Variants in RASAL2 observed in about 807,000 individuals in gnomAD.
RASAL2 encodes the protein ras GTPase-activating protein nGAP.
In RASAL2, 58 loss-of-function variants were observed where a neutral mutation model predicts 128.9. That is an observed-to-expected ratio of 0.45 (90% CI 0.36 to 0.56). RASAL2 has a LOEUF of 0.56. RASAL2 is among the 20% of genes least tolerant of loss of function. The probability of loss-of-function intolerance (pLI) is 0.00; values close to 1 mark genes in which losing one functional copy is unlikely to be tolerated. For missense variants in RASAL2, 1,360 were observed against 1,601.6 expected, an observed-to-expected ratio of 0.85 and a Z score of 2.57; for synonymous variants, 561 against 580.8, an observed-to-expected ratio of 0.97 and a Z score of 0.49.
chr1:178,194,722 G>A (rs1232263211), intron 1 of RASAL2: 4 of 175,834 alleles, frequency 2.3e-5, no homozygotes, highest in East Asian at 1.4e-4. Context: ...TTTACCCAAC[G>A]CCGAAGTCTT....
chr1:178,403,914 A>C (rs1396411299), intron 4 of RASAL2, among the ~76,000 whole-genome samples: 2 of 152,206 alleles, frequency 1.3e-5, no homozygotes, highest in Non-Finnish European at 2.9e-5. Context: ...CAATTGAGAG[A>C]AAATATTTAC....
intron 3 of RASAL2, among the ~76,000 whole-genome samples, chr1:178,371,322 C>CACACACACACACA (rs1671685261): frequency 7.2e-5 from 9 of 124,476 alleles, no homozygotes; most frequent in South Asian, 2.6e-4. Context: ...GCCTTCTTTC[C>CACACACACACACA]CACACACACA....
At chr1:178,221,480 T>G (rs1663611917) in intron 1 of RASAL2, among the ~76,000 whole-genome samples, 1 of 152,188 alleles carries the variant, frequency 6.6e-6, no homozygotes, top group Non-Finnish European at 1.5e-5. Flanking sequence ...TTTACTTAGT[T>G]TGCAATATAT....
Position 178,477,978 on chromosome 1 carries a change from A to G in RASAL2, c.*4739A>G, listed in dbSNP as rs962489247. 1 of 152,186 alleles carries G rather than the reference A, an allele frequency of 6.6e-6. No individual in the cohort carries two copies. Among genetic ancestry groups the G allele is most frequent in the African/African-American group, 2.4e-5 (1 of 41,430 alleles). 9.4% of individuals were successfully genotyped at this position (152,186 alleles called of 1,614,324 possible). A position where few individuals can be genotyped will look rare whatever the true frequency, so the allele number is the denominator to read the frequency against. On this transcript the variant is annotated 3_prime_UTR_variant, in exon 18 of 18. Coordinates refer to ENST00000367649, the MANE Select transcript of RASAL2 (RefSeq NM_170692.4). ...CAGAAATAAGTAGTTTCAGTTCCTG[A>G]TCAGTTAAGCCTCAAGTGTTTGAGT...
At chr1:178,291,114 A>G (rs1346720079) in intron 2 of RASAL2, among the ~76,000 whole-genome samples, 1 of 152,192 alleles carries the variant, frequency 6.6e-6, no homozygotes, top group African/African-American at 2.4e-5. Context: ...TAAGGGACAA[A>G]TAAGGGCTCA....
chr1:178,255,435 G>A (rs74638621), intron 1 of RASAL2, among the ~76,000 whole-genome samples: 5 of 152,086 alleles, frequency 3.3e-5, no homozygotes, highest in South Asian at 2.1e-4. Flanking sequence ...TGCTAATTAC[G>A]CACGAAAGAC....
At chr1:178,128,849 G>A (rs556183865) in intron 1 of RASAL2, among the ~76,000 whole-genome samples, 2 of 152,114 alleles carry the variant, frequency 1.3e-5, no homozygotes, top group African/African-American at 4.8e-5. Context: ...ATGTTGTAAC[G>A]TGAATTAGTA....
intron 4 of RASAL2, among the ~76,000 whole-genome samples, chr1:178,409,462 A>G (rs532616469): frequency 6.6e-6 from 1 of 152,324 alleles, no homozygotes; most frequent in Non-Finnish European, 1.5e-5. Flanking sequence ...AAGCGGTATC[A>G]AAAAGGATGA....
At chr1:178,299,917 A>G in intron 2 of RASAL2, 75 bp from the exon 3 acceptor site, 2 of 1,495,176 alleles carry the variant, frequency 1.3e-6, no homozygotes, top group Non-Finnish European at 9.1e-7. Flanking sequence ...TTCTTTGACT[A>G]AAACCATTAT....
At chr1:178,303,725 A>G (rs1667868543) in intron 3 of RASAL2, among the ~76,000 whole-genome samples, 1 of 152,156 alleles carries the variant, frequency 6.6e-6, no homozygotes, top group Non-Finnish European at 1.5e-5. Flanking sequence ...ATATATTTGC[A>G]ACACCTATAA....
Position 178,458,256 on chromosome 1 carries a change from G to T in RASAL2, c.2964G>T (p.Arg988=). The T allele has an allele frequency of 6.2e-7, 1 of 1,614,228 alleles. No individual in the cohort carries two copies. The highest frequency in any genetic ancestry group is 8.5e-7 in the Non-Finnish European group (1 of 1,180,044). The change falls in exon 14 of 18, where the codon CGG becomes CGT. Residue 988 remains arginine, a synonymous_variant. Transcript: ENST00000367649. ...RSTQSEDFSR[R]HTVPDRHIPL... is the part of the protein sequence containing the mutation. ...CTCAGAGTGAGGACTTCTCCAGGCG[G>T]CACACGGTGCCAGATAGACACATAC... is the stretch of plus-strand genomic sequence containing the variant.
intron 3 of RASAL2, among the ~76,000 whole-genome samples, chr1:178,352,221 A>G (rs774713984): frequency 5.3e-5 from 8 of 152,258 alleles, no homozygotes; most frequent in Non-Finnish European, 1.0e-4. Flanking sequence ...TATAAATAGA[A>G]TGATGTCTTT....
At chr1:178,352,706 C>T (rs563996191) in intron 3 of RASAL2, among the ~76,000 whole-genome samples, 1 of 152,336 alleles carries the variant, frequency 6.6e-6, no homozygotes, top group South Asian at 2.1e-4. Flanking sequence ...TCCATGAGGG[C>T]TCTGGCCCTG....
chr1:178,458,577 A>C, intron 14 of RASAL2, 33 bp downstream of exon 14: 1 of 1,548,784 alleles, frequency 6.5e-7, no homozygotes, highest in South Asian at 1.3e-5. Flanking sequence ...CCTGGCTTCT[A>C]CTTGGTCCAT....
At chr1:178,442,004 A>T (rs759204553) in intron 7 of RASAL2, among the ~76,000 whole-genome samples, 8 of 151,944 alleles carry the variant, frequency 5.3e-5, no homozygotes, top group Non-Finnish European at 7.4e-5. Context: ...CGAGAGAGAG[A>T]GTGTGTGTGT....
At chr1:178,457,486 C>T (rs1677856522) in intron 13 of RASAL2, among the ~76,000 whole-genome samples, 197 bp from the exon 14 acceptor site, 1 of 152,180 alleles carries the variant, frequency 6.6e-6, no homozygotes, top group Non-Finnish European at 1.5e-5. Context: ...TATTCTGTAC[C>T]TTTGGGGAAA....
At chr1:178,241,337 A>G (rs1484384455) in intron 1 of RASAL2, among the ~76,000 whole-genome samples, 1 of 152,116 alleles carries the variant, frequency 6.6e-6, no homozygotes, top group Non-Finnish European at 1.5e-5. Context: ...CAAAAGTACT[A>G]TATGTTTCTT....
rs1662337705 is a variant in RASAL2 at position 178,187,294 on chromosome 1, C to T, written c.202+92600C>T. 3.3e-5 allele frequency among the ~76,000 whole-genome samples: 5 copies of T among 152,010 alleles called. No homozygotes were observed. In the South Asian group the frequency reaches 1.0e-3, roughly 32 times the overall value. Reference sequence around the variant, plus strand: ...ATATCTTATTGTTCACTGATATTTTCTTTGTGGTATTTAATCTACTGTTCT... The same window carrying T: ...ATATCTTATTGTTCACTGATATTTTTTTTGTGGTATTTAATCTACTGTTCT... On this transcript the variant is annotated intron_variant, in intron 1 of 17. Transcript: ENST00000367649.
At chr1:178,268,362 G>A (rs1666083990) in intron 1 of RASAL2, among the ~76,000 whole-genome samples, 1 of 152,030 alleles carries the variant, frequency 6.6e-6, no homozygotes, top group Admixed American at 6.5e-5. Context: ...CAGCTACTTG[G>A]GAGGCTGAGG....
Sources: allele counts gnomAD v4.1 joint callset (sites outside exome capture counted in the v4.1 genomes callset), GRCh38; gene constraint gnomAD v4.1.1; transcripts MANE v1.5; gene names NCBI Gene and HGNC (gene_info 2026-07-23, HGNC 2026-07-21).